DCDC2C: variants seen among roughly 807,000 people sequenced by gnomAD.
The protein encoded by DCDC2C is doublecortin domain containing 2C, also known as doublecortin domain-containing protein 2C.
In DCDC2C, 44 loss-of-function variants were observed where a neutral mutation model predicts 45.0. That is an observed-to-expected ratio of 0.98 (90% confidence interval 0.77 to 1.26). The LOEUF (loss-of-function observed/expected upper bound fraction) is 1.26. DCDC2C is among the 50% of genes most tolerant of loss of function. DCDC2C has a pLI of 0.00. For missense variants in DCDC2C, 447 were observed against 468.9 expected, an observed-to-expected ratio of 0.95 and a Z score of 0.43; for synonymous variants, 187 against 178.8, an observed-to-expected ratio of 1.05 and a Z score of -0.37.
intron 10 of DCDC2C, among the ~76,000 whole-genome samples, chr2:3,846,732 C>T (rs1470039121): frequency 1.3e-5 from 2 of 152,068 alleles, no homozygotes; most frequent in African/African-American, 2.4e-5. Context: ...TTCAGCACCA[C>T]GTTTGAACCA....
chr2:3,800,418 TG>T (rs1671086154), intron 10 of DCDC2C, among the ~76,000 whole-genome samples: 1 of 152,236 alleles, frequency 6.6e-6, no homozygotes. Flanking sequence ...GTTTTTTGAA[TG>T]CTCAAATTTT....
intron 10 of DCDC2C, among the ~76,000 whole-genome samples, chr2:3,843,738 A>G (rs765997761): frequency 2.0e-5 from 3 of 152,178 alleles, no homozygotes; most frequent in Non-Finnish European, 4.4e-5. Flanking sequence ...CTGTTTCACT[A>G]ACTCAGAAAG....
rs555180070 is a variant in DCDC2C, at chr2:3,742,073, C to T, written c.545+25C>T. On this transcript the variant is annotated intron_variant, in intron 4 of 10. Coordinates refer to ENST00000399143, the MANE Select transcript of DCDC2C (RefSeq NM_001287444.2). The stretch of plus-strand genomic sequence containing the variant: ...AGTAAGGAGACTCTCGCCTTTAGGA[C>T]AGCCAGGGGGCGGCAGCTTGTGTTT... 4.6e-6 allele frequency: 7 copies of T among 1,510,016 alleles called. No homozygotes were observed. In the South Asian group the frequency reaches 6.6e-5, roughly 14 times the overall value. 93.5% of individuals were successfully genotyped at this position (1,510,016 alleles called of 1,614,324 possible).
chr2:3,742,063 G>A lies in DCDC2C; in HGVS notation c.545+15G>A, dbSNP rs1239926098. The A allele has an allele frequency of 6.6e-6, 10 of 1,524,102 alleles. No individual in the cohort carries two copies. The highest frequency in any genetic ancestry group is 2.5e-5 in the East Asian group (1 of 40,492). 94.4% of individuals were successfully genotyped at this position (1,524,102 alleles called of 1,614,324 possible). A position where few individuals can be genotyped will look rare whatever the true frequency, so the allele number is the denominator to read the frequency against. On this transcript the variant is annotated intron_variant, in intron 4 of 10. Coordinates refer to ENST00000399143, the MANE Select transcript of DCDC2C (RefSeq NM_001287444.2). ...GGCGTTCGGAAGTAAGGAGACTCTC[G>A]CCTTTAGGACAGCCAGGGGGCGGCA... is the stretch of plus-strand genomic sequence containing the variant.
At chr2:3,756,900 T>G (rs912294631) in intron 6 of DCDC2C, among the ~76,000 whole-genome samples, 4 of 152,240 alleles carry the variant, frequency 2.6e-5, no homozygotes, top group Non-Finnish European at 4.4e-5. Flanking sequence ...ATCGCCTTAT[T>G]TATTTTAGAT....
chr2:3,789,044 A>G (rs11676497), intron 10 of DCDC2C, among the ~76,000 whole-genome samples: 108,756 of 151,784 alleles, frequency 0.72, 39,367 homozygotes, highest in East Asian at 0.91. Context: ...GTAGAGAAGG[A>G]TTTCACCATG....
Position 3,823,137 on chromosome 2 carries a change from G to A in DCDC2C, c.1066-24017G>A, listed in dbSNP as rs566006257. Among the ~76,000 whole-genome samples the A allele has an allele frequency of 1.9e-4, 29 of 152,202 alleles. No homozygotes were observed. The South Asian group carries it at 6.0e-3, about 32-fold the overall frequency. On this transcript the variant is annotated intron_variant, in intron 10 of 10. Transcript: ENST00000399143. ...ACAGACTAATACAATTTCCCTCTAAGCACTGCTCTAGTTGTATCCTGTAAA... is the reference window on the plus strand; with the variant it reads ...ACAGACTAATACAATTTCCCTCTAAACACTGCTCTAGTTGTATCCTGTAAA...
At chr2:3,809,426 T>C (rs1019487369) in intron 10 of DCDC2C, among the ~76,000 whole-genome samples, 4 of 152,228 alleles carry the variant, frequency 2.6e-5, no homozygotes, top group African/African-American at 9.6e-5. Flanking sequence ...TTGTAGCATT[T>C]AGTATCCTGA....
chr2:3,823,460 G>GTAGA (rs1425067104), intron 10 of DCDC2C, among the ~76,000 whole-genome samples: 1 of 152,268 alleles, frequency 6.6e-6, no homozygotes, highest in Admixed American at 6.5e-5. Flanking sequence ...GTTGGGTAGA[G>GTAGA]TAGAGTGTCT....
intron 2 of DCDC2C, among the ~76,000 whole-genome samples, chr2:3,711,580 G>A (rs934433686): frequency 6.6e-6 from 1 of 152,174 alleles, no homozygotes; most frequent in Non-Finnish European, 1.5e-5. Flanking sequence ...CATAGAGTGA[G>A]TGCCCAGCAA....
At chr2:3,717,070 G>GT (rs997365873) in intron 2 of DCDC2C, among the ~76,000 whole-genome samples, 2 of 152,028 alleles carry the variant, frequency 1.3e-5, no homozygotes, top group African/African-American at 4.8e-5. Context: ...TTCTATGACT[G>GT]TTTTTTCTTT....
chr2:3,754,576 A>G lies in DCDC2C; in HGVS notation c.684-16A>G. On this transcript the variant is annotated splice_polypyrimidine_tract_variant and intron_variant, in intron 5 of 10. Coordinates refer to ENST00000399143, the MANE Select transcript of DCDC2C (RefSeq NM_001287444.2). ...CCGGGCTTTACATTTCAAGTTGAAC[A>G]TCTTTTGTCTTGCAGAAGGTATGCG... The G allele has an allele frequency of 6.5e-7, 1 of 1,548,732 alleles. No homozygotes were observed. Among genetic ancestry groups the G allele is most frequent in the South Asian group, 1.2e-5 (1 of 83,612 alleles).
At chr2:3,727,847 A>T (rs1225524778) in intron 3 of DCDC2C, among the ~76,000 whole-genome samples, 1 of 152,212 alleles carries the variant, frequency 6.6e-6, no homozygotes, top group African/African-American at 2.4e-5. Context: ...AATATGCAGC[A>T]CACTGTGGTG....
chr2:3,708,504 A>C, intron 1 of DCDC2C, 45 bp from the exon 2 acceptor site: 1 of 1,449,508 alleles, frequency 6.9e-7, no homozygotes, highest in East Asian at 2.5e-5. Context: ...CTTTCTATGT[A>C]AATATCTTCC....
intron 2 of DCDC2C, among the ~76,000 whole-genome samples, chr2:3,712,961 T>G (rs1188556742): frequency 6.6e-6 from 1 of 152,088 alleles, no homozygotes; most frequent in African/African-American, 2.4e-5. Context: ...AATGGAAAAA[T>G]AGCAACCATG....
In DCDC2C at chr2:3,754,985, C is replaced by A. The variant is rs780414526; in HGVS notation, c.726+351C>A. Among the ~76,000 whole-genome samples the A allele has an allele frequency of 2.0e-5, 3 of 151,992 alleles. No individual in the cohort carries two copies. In the South Asian group the frequency reaches 6.2e-4, roughly 32 times the overall value. ...TGGCATGAGTGGCAGTGGGCTCTGGCGGGGGGTGGGAGGAGGACATTCCAG... is the reference window on the plus strand; with the variant it reads ...TGGCATGAGTGGCAGTGGGCTCTGGAGGGGGGTGGGAGGAGGACATTCCAG... On this transcript the variant is annotated intron_variant, in intron 6 of 10. Transcript: ENST00000399143.
At chr2:3,740,374 A>G (rs1669168810) in intron 3 of DCDC2C, among the ~76,000 whole-genome samples, 1 of 152,120 alleles carries the variant, frequency 6.6e-6, no homozygotes, top group Admixed American at 6.6e-5. Flanking sequence ...TATTACATTG[A>G]TCTATTTTGC....
chr2:3,767,924 C>T (rs1670058799), intron 7 of DCDC2C, 44 bp downstream of exon 7: 2 of 1,394,892 alleles, frequency 1.4e-6, no homozygotes, highest in African/African-American at 3.1e-5. Flanking sequence ...CGAAACTTTA[C>T]CAGGCTGAGA....
intron 9 of DCDC2C, among the ~76,000 whole-genome samples, chr2:3,779,172 G>A (rs1475079354): frequency 6.6e-6 from 1 of 152,242 alleles, no homozygotes; most frequent in Non-Finnish European, 1.5e-5. Flanking sequence ...CAAGTTTCAA[G>A]ATGTACTTTT....
Sources: allele counts gnomAD v4.1 joint callset (sites outside exome capture counted in the v4.1 genomes callset), GRCh38; gene constraint gnomAD v4.1.1; transcripts MANE v1.5; gene names NCBI Gene and HGNC (gene_info 2026-07-23, HGNC 2026-07-21).